The following KLHL1 variants were observed in gnomAD, a reference collection of about 807,000 sequenced individuals.
KLHL1 encodes the protein kelch like family member 1.
In KLHL1, 47 loss-of-function variants were observed where a neutral mutation model predicts 77.7. The observed-to-expected ratio is 0.60, with a 90% CI of 0.48 to 0.77. The LOEUF (loss-of-function observed/expected upper bound fraction) is 0.77. Among genes scored for constraint, KLHL1 ranks in the 30% least tolerant of loss-of-function variants. KLHL1 has a pLI of 0.00. For synonymous variants in KLHL1, 360 were observed against 325.2 expected (o/e 1.11, Z -1.15); for missense variants, 925 against 910.8 (o/e 1.02, Z -0.20).
At chr13:70,067,704 A>G (rs1208440087) in intron 1 of KLHL1, among the ~76,000 whole-genome samples, 2 of 152,212 alleles carry the variant, frequency 1.3e-5, no homozygotes, top group African/African-American at 4.8e-5. Context: ...TCTCTTTGAA[A>G]GAATCTGAAA....
chr13:69,996,909 A>ATTTTTTTT lies in KLHL1; in HGVS notation c.498-21108_498-21107insAAAAAAAA, dbSNP rs1566484216. Among the ~76,000 whole-genome samples the ATTTTTTTT allele has an allele frequency of 9.4e-5, 10 of 106,650 alleles. No homozygotes were observed. In the East Asian group the frequency reaches 2.6e-3, roughly 28 times the overall value. The allele number at this position is 106,650 out of a possible 152,430, so 70.0% of individuals were successfully genotyped here. ...TGAAAAGTTCTTATTTTATTCATTA[A>ATTTTTTTT]ATTTTTTTTTTTTTTTTTTTTTTTT... On this transcript the variant is annotated intron_variant, in intron 1 of 10. Coordinates refer to ENST00000377844, the MANE Select transcript of KLHL1 (RefSeq NM_020866.3).
chr13:69,975,875 A>C, intron 1 of KLHL1, 73 bp from the exon 2 acceptor site: 1 of 1,426,558 alleles, frequency 7.0e-7, no homozygotes, highest in Non-Finnish European at 9.1e-7. Context: ...TATCTAGAAT[A>C]ACATACAGGT....
chr13:70,056,759 A>T (rs1593708340), intron 1 of KLHL1, among the ~76,000 whole-genome samples: 1 of 152,280 alleles, frequency 6.6e-6, no homozygotes, highest in East Asian at 1.9e-4. Flanking sequence ...GAAATTTTTT[A>T]AATTTCATGA....
intron 1 of KLHL1, among the ~76,000 whole-genome samples, chr13:69,986,944 A>G (rs1295032709): frequency 1.3e-5 from 2 of 151,970 alleles, no homozygotes; most frequent in Non-Finnish European, 1.5e-5. Flanking sequence ...AAGTCTTTGT[A>G]TTAGATATCC....
At position 69,927,033 on chromosome 13, in the gene KLHL1, G is replaced by A. The variant is rs1450780410; in HGVS notation, c.1014+13007C>T. 3.6e-5 allele frequency among the ~76,000 whole-genome samples: 5 copies of A among 139,130 alleles called. No homozygotes were observed. In the South Asian group the frequency reaches 9.5e-4, roughly 26 times the overall value. 91.3% of individuals were successfully genotyped at this position (139,130 alleles called of 152,430 possible). ...CAATTTGATTTACAGTAAAACAAGA[G>A]AATGCGGTACTGGCATAAAGACACA... On this transcript the variant is annotated intron_variant, in intron 4 of 10. Coordinates refer to ENST00000377844, the MANE Select transcript of KLHL1 (RefSeq NM_020866.3).
At chr13:70,017,473 C>T (rs1034545940) in intron 1 of KLHL1, among the ~76,000 whole-genome samples, 1 of 152,234 alleles carries the variant, frequency 6.6e-6, no homozygotes, top group Non-Finnish European at 1.5e-5. Context: ...GCCCACTCTG[C>T]TGCAGCAACT....
chr13:69,828,658 G>A (rs1307563614), intron 6 of KLHL1, among the ~76,000 whole-genome samples: 1 of 150,012 alleles, frequency 6.7e-6, no homozygotes, highest in Non-Finnish European at 1.5e-5. Flanking sequence ...TGCAGCCTGG[G>A]GCAAGATCTC....
At chr13:69,716,601 CT>C (rs1236948414) in intron 9 of KLHL1, among the ~76,000 whole-genome samples, 1 of 152,086 alleles carries the variant, frequency 6.6e-6, no homozygotes, top group Non-Finnish European at 1.5e-5. Context: ...TCTTGACACC[CT>C]TCTTTCACCA....
chr13:70,099,848 G>C (rs1887882650), intron 1 of KLHL1, among the ~76,000 whole-genome samples: 1 of 151,792 alleles, frequency 6.6e-6, no homozygotes, highest in Non-Finnish European at 1.5e-5. Flanking sequence ...TGGCAGAATA[G>C]TATTTCATTA....
intron 5 of KLHL1, among the ~76,000 whole-genome samples, chr13:69,867,585 T>A (rs1215394797): frequency 6.6e-6 from 1 of 152,028 alleles, no homozygotes; most frequent in Admixed American, 6.6e-5. Flanking sequence ...AAAACATATT[T>A]TGCCTTATAA....
At chr13:69,730,780 A>G (rs1328606116) in intron 8 of KLHL1, among the ~76,000 whole-genome samples, 1 of 151,952 alleles carries the variant, frequency 6.6e-6, no homozygotes, top group African/African-American at 2.4e-5. Context: ...GGGTCTCACT[A>G]CGTTGCCCAG....
At chr13:69,724,606 T>C (rs989997473) in intron 8 of KLHL1, among the ~76,000 whole-genome samples, 2 of 151,958 alleles carry the variant, frequency 1.3e-5, no homozygotes, top group Non-Finnish European at 2.9e-5. Context: ...AAAATTATCA[T>C]CATAATACCT....
intron 8 of KLHL1, among the ~76,000 whole-genome samples, chr13:69,734,814 T>TAA (rs892947672): frequency 2.0e-4 from 31 of 152,230 alleles, no homozygotes; most frequent in African/African-American, 7.2e-4. Flanking sequence ...GTACTATATA[T>TAA]AATAGTGTCC....
At chr13:69,786,749 T>G (rs1179337552) in intron 7 of KLHL1, among the ~76,000 whole-genome samples, 1 of 152,180 alleles carries the variant, frequency 6.6e-6, no homozygotes, top group Non-Finnish European at 1.5e-5. Context: ...ATTGTATATC[T>G]AGAAAACCTC....
At chr13:69,747,633 T>C (rs1378983645) in intron 7 of KLHL1, among the ~76,000 whole-genome samples, 2 of 151,966 alleles carry the variant, frequency 1.3e-5, no homozygotes, top group Non-Finnish European at 2.9e-5. Flanking sequence ...CCTATAAGCA[T>C]ATAAAAATGT....
chr13:70,090,449 A>C (rs1887645054), intron 1 of KLHL1, among the ~76,000 whole-genome samples: 2 of 151,580 alleles, frequency 1.3e-5, no homozygotes. Context: ...AAGCTAACTC[A>C]GAATAATATC....
intron 1 of KLHL1, among the ~76,000 whole-genome samples, chr13:70,081,950 G>A (rs758283422): frequency 1.2e-4 from 18 of 152,130 alleles, no homozygotes; most frequent in Non-Finnish European, 2.5e-4. Context: ...CCCCAATGTG[G>A]GAGGAGGAGG....
At chr13:69,827,098 CAT>C (rs1388910829) in intron 6 of KLHL1, among the ~76,000 whole-genome samples, 5 of 149,414 alleles carry the variant, frequency 3.3e-5, no homozygotes, top group Non-Finnish European at 5.9e-5. Flanking sequence ...ATTTTGAAAA[CAT>C]GTTATTAAAA....
At chr13:70,079,762 A>G (rs940280570) in intron 1 of KLHL1, among the ~76,000 whole-genome samples, 1 of 152,184 alleles carries the variant, frequency 6.6e-6, no homozygotes. Flanking sequence ...ATGAATGAGG[A>G]AACGAAGCAT....
Sources: allele counts gnomAD v4.1 joint callset (sites outside exome capture counted in the v4.1 genomes callset), GRCh38; gene constraint gnomAD v4.1.1; transcripts MANE v1.5; gene names NCBI Gene and HGNC (gene_info 2026-07-23, HGNC 2026-07-21).